The following GPT2 variants were observed in gnomAD, a reference collection of about 807,000 sequenced individuals.
GPT2 encodes alanine aminotransferase 2.
A neutral mutation model predicts 56.9 loss-of-function variants in GPT2; 30 were observed. That is an observed-to-expected ratio of 0.53 (90% CI 0.39 to 0.72). The LOEUF (loss-of-function observed/expected upper bound fraction) is 0.72. Ranked by LOEUF, GPT2 falls within the 30% of genes least tolerant of loss-of-function variation. The probability of loss-of-function intolerance (pLI) is 0.00; values close to 1 mark genes in which losing one functional copy is unlikely to be tolerated. For synonymous variants in GPT2, 271 were observed against 283.1 expected, an observed-to-expected ratio of 0.96 and a Z score of 0.43; for missense variants, 542 against 703.4, an observed-to-expected ratio of 0.77 and a Z score of 2.60.
At chr16:46,911,764 A>T (rs1183153394) in intron 6 of GPT2, among the ~76,000 whole-genome samples, 1 of 152,138 alleles carries the variant, frequency 6.6e-6, no homozygotes, top group Admixed American at 6.6e-5. Context: ...GGTGATACTG[A>T]TGCCGGGCCC....
intron 9 of GPT2, among the ~76,000 whole-genome samples, 157 bp downstream of exon 9, chr16:46,922,573 A>G (rs1195119059): frequency 6.6e-6 from 1 of 152,170 alleles, no homozygotes; most frequent in South Asian, 2.1e-4. Context: ...AACCACCCCT[A>G]TGAGTTGAAG....
chr16:46,910,210 G>A (rs1232145741), intron 6 of GPT2, among the ~76,000 whole-genome samples: 3 of 151,926 alleles, frequency 2.0e-5, no homozygotes, highest in Non-Finnish European at 4.4e-5. Context: ...GCGAAACCCT[G>A]TCTCTACTAA....
At chr16:46,909,534 C>G (rs1961000837) in intron 5 of GPT2, 150 bp from the exon 6 acceptor site, 1 of 845,892 alleles carries the variant, frequency 1.2e-6, no homozygotes. Flanking sequence ...CGCAGCTGCC[C>G]TCATTTTACA....
At chr16:46,905,427 T>C (rs1017668532) in intron 4 of GPT2, among the ~76,000 whole-genome samples, 10 of 152,222 alleles carry the variant, frequency 6.6e-5, no homozygotes, top group African/African-American at 2.4e-4. Flanking sequence ...GAGGAGAATC[T>C]GCTACTTCCA....
chr16:46,898,882 A>G (rs1353664614), intron 3 of GPT2, among the ~76,000 whole-genome samples: 1 of 145,558 alleles, frequency 6.9e-6, no homozygotes, highest in Non-Finnish European at 1.5e-5. Flanking sequence ...ATATATATAT[A>G]TATATACGTA....
intron 8 of GPT2, among the ~76,000 whole-genome samples, 194 bp downstream of exon 8, chr16:46,918,951 G>A (rs765971786): frequency 2.0e-5 from 3 of 152,232 alleles, no homozygotes; most frequent in Admixed American, 6.5e-5. Flanking sequence ...AAATAAGGGC[G>A]TGCTCAGAGA....
chr16:46,919,223 G>A lies in GPT2; in HGVS notation c.1037+466G>A, dbSNP rs189410397. Among the ~76,000 whole-genome samples the A allele has an allele frequency of 9.2e-5, 14 of 152,350 alleles. No individual in the cohort carries two copies. In the East Asian group the frequency reaches 2.5e-3, roughly 27 times the overall value. On this transcript the variant is annotated intron_variant, in intron 8 of 11. Transcript: ENST00000340124. The stretch of plus-strand genomic sequence containing the variant: ...CAGCTAATGTTTACTGAGCACTTAC[G>A]ATGAGTCCGGCACTGATCTCAGCAC...
chr16:46,895,158 C>T (rs1015632489), intron 2 of GPT2, among the ~76,000 whole-genome samples: 1 of 152,138 alleles, frequency 6.6e-6, no homozygotes, highest in African/African-American at 2.4e-5. Flanking sequence ...GGGTGGCACA[C>T]TAGGGCCAGA....
chr16:46,900,251 AG>A (rs1408859844), intron 3 of GPT2, among the ~76,000 whole-genome samples: 1 of 148,230 alleles, frequency 6.7e-6, no homozygotes, highest in East Asian at 2.0e-4. Context: ...TGAGGAATGC[AG>A]GGGGAGGGGG....
intron 10 of GPT2, 84 bp downstream of exon 10, chr16:46,924,628 C>A: frequency 6.9e-7 from 1 of 1,448,600 alleles, no homozygotes; most frequent in Non-Finnish European, 9.5e-7. Flanking sequence ...TCTTGGGGAG[C>A]AGAAGTGCTG....
chr16:46,913,714 AG>A (rs1961088228), intron 6 of GPT2, among the ~76,000 whole-genome samples: 2 of 152,214 alleles, frequency 1.3e-5, no homozygotes, highest in South Asian at 4.1e-4. Flanking sequence ...ATTAACAAAA[AG>A]GTAAGATACT....
intron 10 of GPT2, among the ~76,000 whole-genome samples, chr16:46,925,421 C>T (rs1285574260): frequency 2.6e-5 from 4 of 152,044 alleles, no homozygotes; most frequent in Admixed American, 6.6e-5. Context: ...CGGGGTTTCA[C>T]CGTGTTAGCC....
intron 2 of GPT2, among the ~76,000 whole-genome samples, chr16:46,891,231 A>G (rs1474117429): frequency 6.6e-6 from 1 of 151,158 alleles, no homozygotes; most frequent in Non-Finnish European, 1.5e-5. Flanking sequence ...CCCATAACTT[A>G]TTCATATTTT....
intron 2 of GPT2, among the ~76,000 whole-genome samples, chr16:46,891,167 A>G (rs1428650266): frequency 6.6e-6 from 1 of 151,906 alleles, no homozygotes; most frequent in Non-Finnish European, 1.5e-5. Context: ...GCCACTGTGC[A>G]TGGCCGAAAA....
chr16:46,894,579 G>A (rs1408166012), intron 2 of GPT2, among the ~76,000 whole-genome samples: 1 of 152,204 alleles, frequency 6.6e-6, no homozygotes, highest in Non-Finnish European at 1.5e-5. Context: ...TGCAGCCAGA[G>A]CCTCTCCAGA....
intron 6 of GPT2, among the ~76,000 whole-genome samples, chr16:46,912,249 G>T (rs1024501446): frequency 6.6e-6 from 1 of 152,202 alleles, no homozygotes; most frequent in Non-Finnish European, 1.5e-5. Flanking sequence ...TGGAGTGCAG[G>T]GTTGAAGCAG....
chr16:46,899,209 T>G (rs979226491), intron 3 of GPT2, among the ~76,000 whole-genome samples: 5 of 151,760 alleles, frequency 3.3e-5, no homozygotes, highest in African/African-American at 1.2e-4. Context: ...ATTTTTAAAA[T>G]TTTTGGTAGA....
rs750684969 is a variant in GPT2 at position 46,926,950 on chromosome 16, T to G, written c.1394T>G (p.Phe465Cys). The change falls in exon 11 of 12, where the codon TTC becomes TGC. Residue 465 changes from phenylalanine to cysteine, a missense_variant. Coordinates refer to ENST00000340124, the MANE Select transcript of GPT2 (RefSeq NM_133443.4). ...AQAHQMAPDMFYCMKLLEETG... is the reference protein window; with the variant it reads ...AQAHQMAPDMCYCMKLLEETG... ...GCCCATCAAATGGCTCCAGACATGT[T>G]CTACTGCATGAAGCTCCTGGAGGAG... The G allele has an allele frequency of 3.1e-6, 5 of 1,602,458 alleles. No individual in the cohort carries two copies. In the Admixed American group the frequency reaches 8.7e-5, roughly 28 times the overall value.
intron 8 of GPT2, 93 bp from the exon 9 acceptor site, chr16:46,922,149 G>A: frequency 8.2e-7 from 1 of 1,215,618 alleles, no homozygotes; most frequent in Non-Finnish European, 1.2e-6. Flanking sequence ...TTGGTGTTGG[G>A]TGTGGGAATG....
Sources: allele counts gnomAD v4.1 joint callset (sites outside exome capture counted in the v4.1 genomes callset), GRCh38; gene constraint gnomAD v4.1.1; transcripts MANE v1.5; gene names NCBI Gene and HGNC (gene_info 2026-07-23, HGNC 2026-07-21).